Variants in GALNTL6 observed in about 807,000 individuals in gnomAD.
GALNTL6 encodes polypeptide N-acetylgalactosaminyltransferase like 6, also known as polypeptide N-acetylgalactosaminyltransferase-like 6.
Under a neutral mutation model 73.7 loss-of-function variants are expected in GALNTL6, and 46 were observed. That is an observed-to-expected ratio of 0.62 (90% confidence interval 0.49 to 0.80). GALNTL6 has a LOEUF of 0.80. Among genes scored for constraint, GALNTL6 ranks in the 30% least tolerant of loss-of-function variants. The probability of loss-of-function intolerance (pLI) is 0.00; values close to 1 mark genes in which losing one functional copy is unlikely to be tolerated. For synonymous variants in GALNTL6, 259 were observed against 263.7 expected, an observed-to-expected ratio of 0.98 and a Z score of 0.17; for missense variants, 604 against 755.0, an observed-to-expected ratio of 0.80 and a Z score of 2.34.
At chr4:172,301,143 T>C (rs1277291119) in intron 3 of GALNTL6, among the ~76,000 whole-genome samples, 1 of 152,232 alleles carries the variant, frequency 6.6e-6, no homozygotes, top group Non-Finnish European at 1.5e-5. Flanking sequence ...ATACCCTTTC[T>C]TCCAGTTGAT....
At chr4:172,217,619 C>T (rs1736536106) in intron 2 of GALNTL6, among the ~76,000 whole-genome samples, 1 of 152,120 alleles carries the variant, frequency 6.6e-6, no homozygotes, top group Non-Finnish European at 1.5e-5. Flanking sequence ...CCTTTTAATT[C>T]ATTCTTAAAC....
intron 5 of GALNTL6, among the ~76,000 whole-genome samples, chr4:172,647,236 G>A (rs1740280525): frequency 6.6e-6 from 1 of 152,058 alleles, no homozygotes; most frequent in Non-Finnish European, 1.5e-5. Context: ...AATAGGTTTG[G>A]TGAGGAGCTT....
chr4:172,116,841 A>G (rs2110989390), intron 2 of GALNTL6, among the ~76,000 whole-genome samples: 1 of 152,322 alleles, frequency 6.6e-6, no homozygotes, highest in African/African-American at 2.4e-5. Flanking sequence ...GTTTATACCA[A>G]TGAAGCAAAT....
chr4:172,384,969 TTGTGTG>T (rs71655291), intron 5 of GALNTL6, among the ~76,000 whole-genome samples: 15,682 of 145,290 alleles, frequency 0.11, 847 homozygotes, highest in East Asian at 0.18. Context: ...TGTTGTAATT[TTGTGTG>T]TGTGTGTGTG....
At chr4:172,619,120 AT>A (rs1738857192) in intron 5 of GALNTL6, among the ~76,000 whole-genome samples, 1 of 151,800 alleles carries the variant, frequency 6.6e-6, no homozygotes, top group Non-Finnish European at 1.5e-5. Context: ...TCTTTTTTTT[AT>A]TTTTAATATT....
intron 5 of GALNTL6, among the ~76,000 whole-genome samples, chr4:172,628,665 A>G (rs1739264007): frequency 6.6e-6 from 1 of 152,020 alleles, no homozygotes; most frequent in Non-Finnish European, 1.5e-5. Flanking sequence ...GAATATGCGT[A>G]TTGTCAGTGT....
intron 5 of GALNTL6, among the ~76,000 whole-genome samples, chr4:172,770,247 T>C (rs529802861): frequency 4.1e-5 from 6 of 147,090 alleles, no homozygotes; most frequent in Admixed American, 2.1e-4. Flanking sequence ...GCCTGGGCAA[T>C]AGAGCAGGAC....
At chr4:172,293,585 G>A (rs2111104863) in intron 3 of GALNTL6, among the ~76,000 whole-genome samples, 1 of 152,118 alleles carries the variant, frequency 6.6e-6, no homozygotes, top group Admixed American at 6.6e-5. Flanking sequence ...GGAAACACCA[G>A]CACTGACCTC....
At chr4:172,004,414 GT>G (rs963353132) in intron 2 of GALNTL6, among the ~76,000 whole-genome samples, 8 of 150,624 alleles carry the variant, frequency 5.3e-5, no homozygotes, top group South Asian at 4.2e-4. Flanking sequence ...GTTAATGGTG[GT>G]TTTTTTTTCT....
At chr4:172,782,533 T>C (rs562660364) in intron 5 of GALNTL6, among the ~76,000 whole-genome samples, 1 of 152,116 alleles carries the variant, frequency 6.6e-6, no homozygotes, top group Non-Finnish European at 1.5e-5. Context: ...GTAGAGAAAG[T>C]TTTTACCCTG....
intron 2 of GALNTL6, among the ~76,000 whole-genome samples, chr4:172,226,335 T>A (rs1336126212): frequency 2.0e-5 from 3 of 152,186 alleles, no homozygotes; most frequent in Non-Finnish European, 2.9e-5. Context: ...CCAGTATACT[T>A]ATGTTAGTTA....
chr4:172,515,539 C>G (rs1293271903), intron 5 of GALNTL6, among the ~76,000 whole-genome samples: 2 of 152,196 alleles, frequency 1.3e-5, no homozygotes, highest in South Asian at 4.1e-4. Context: ...GATTCATTTG[C>G]GTTCAATTTA....
intron 2 of GALNTL6, among the ~76,000 whole-genome samples, chr4:172,219,879 C>T (rs977235566): frequency 6.6e-6 from 1 of 151,872 alleles, no homozygotes; most frequent in Non-Finnish European, 1.5e-5. Context: ...GCACTTCTGC[C>T]TAAAAAGATG....
At chr4:173,028,257 T>A (rs1031876160) in intron 12 of GALNTL6, among the ~76,000 whole-genome samples, 2 of 152,156 alleles carry the variant, frequency 1.3e-5, no homozygotes, top group Non-Finnish European at 2.9e-5. Context: ...GCACCAGGTA[T>A]CAAAACATTA....
At chr4:172,449,984 C>T (rs771189486) in intron 5 of GALNTL6, among the ~76,000 whole-genome samples, 1 of 152,058 alleles carries the variant, frequency 6.6e-6, no homozygotes, top group African/African-American at 2.4e-5. Flanking sequence ...TTTGGGAGGC[C>T]GAGGGGTTGG....
chr4:172,580,302 A>G (rs933544527), intron 5 of GALNTL6, among the ~76,000 whole-genome samples: 5 of 152,232 alleles, frequency 3.3e-5, no homozygotes, highest in Non-Finnish European at 7.3e-5. Flanking sequence ...TTGAAGAAAT[A>G]TACTTGGGAA....
chr4:171,821,498 T>C (rs527911), intron 2 of GALNTL6, among the ~76,000 whole-genome samples: 105,943 of 151,994 alleles, frequency 0.7, 39,099 homozygotes, highest in Admixed American at 0.83. Context: ...TGGCTTAGTA[T>C]GTTGTGACAT....
At chr4:172,055,741 T>TA (rs1731003154) in intron 2 of GALNTL6, among the ~76,000 whole-genome samples, 1 of 152,154 alleles carries the variant, frequency 6.6e-6, no homozygotes, top group Non-Finnish European at 1.5e-5. Flanking sequence ...TAATAACACT[T>TA]ACTGATAGAA....
chr4:172,046,875 G>A (rs1190927722), intron 2 of GALNTL6, among the ~76,000 whole-genome samples: 1 of 152,066 alleles, frequency 6.6e-6, no homozygotes, highest in Non-Finnish European at 1.5e-5. Flanking sequence ...TCGGTTTGAT[G>A]TAATTTCCTT....
Sources: allele counts gnomAD v4.1 joint callset (sites outside exome capture counted in the v4.1 genomes callset), GRCh38; gene constraint gnomAD v4.1.1; transcripts MANE v1.5; gene names NCBI Gene and HGNC (gene_info 2026-07-23, HGNC 2026-07-21).